UNC5D: variants seen among roughly 807,000 people sequenced by gnomAD.
UNC5D encodes the protein unc-5 netrin receptor D, also known as netrin receptor UNC5D.
In UNC5D, 39 loss-of-function variants were observed where a neutral mutation model predicts 105.4. The observed-to-expected ratio is 0.37, with a 90% confidence interval of 0.29 to 0.48. The LOEUF is 0.48. Among genes scored for constraint, UNC5D ranks in the 20% least tolerant of loss-of-function variants. UNC5D has a pLI of 0.98. For missense variants in UNC5D, 991 were observed against 1,202.4 expected, an observed-to-expected ratio of 0.82 and a Z score of 2.60; for synonymous variants, 452 against 450.4, an observed-to-expected ratio of 1.00 and a Z score of -0.04.
At chr8:35,506,578 GA>G (rs1191574971) in intron 1 of UNC5D, among the ~76,000 whole-genome samples, 3 of 152,234 alleles carry the variant, frequency 2.0e-5, no homozygotes, top group African/African-American at 7.2e-5. Flanking sequence ...CAGTTAGCCT[GA>G]GGTCACAGAG....
At position 35,243,026 on chromosome 8, in the gene UNC5D, T is replaced by C. The variant is rs961866087; in HGVS notation, c.103+7139T>C. 5.3e-4 allele frequency among the ~76,000 whole-genome samples: 81 copies of C among 152,188 alleles called. 1 individual carries two copies. Among genetic ancestry groups the C allele is most frequent in the African/African-American group, 1.9e-3 (80 of 41,446 alleles). On this transcript the variant is annotated intron_variant, in intron 1 of 16. Transcript: ENST00000404895. ...AACTCACAAATCAGTGCTTTTCAGA[T>C]GTTAATGTGCATTTGAATTACTGCA... is the stretch of plus-strand genomic sequence containing the variant.
At chr8:35,665,685 A>G (rs2131253095) in intron 4 of UNC5D, among the ~76,000 whole-genome samples, 1 of 143,540 alleles carries the variant, frequency 7.0e-6, no homozygotes. Flanking sequence ...CATTTTGCAG[A>G]GGAAGAATAG....
intron 7 of UNC5D, among the ~76,000 whole-genome samples, chr8:35,699,847 G>A (rs1025192390): frequency 1.3e-5 from 2 of 152,040 alleles, no homozygotes; most frequent in African/African-American, 2.4e-5. Context: ...AAAGAAAAAC[G>A]CAATAAGGAA....
rs756231822 is a variant in UNC5D, at chr8:35,385,826, T to C, written c.103+149939T>C. ...TCTTCAGATTTATGCAGAAATTTAG[T>C]TAATAAAGAGATGAGTGATTGTCTT... On this transcript the variant is annotated intron_variant, in intron 1 of 16. Coordinates refer to ENST00000404895, the MANE Select transcript of UNC5D (RefSeq NM_080872.4). Among the ~76,000 whole-genome samples, 14 of 152,300 alleles carry C rather than the reference T, an allele frequency of 9.2e-5. No homozygotes were observed. The Middle Eastern group carries it at 0.01, about 112-fold the overall frequency.
intron 1 of UNC5D, among the ~76,000 whole-genome samples, chr8:35,432,589 G>T (rs1806716141): frequency 6.6e-6 from 1 of 152,124 alleles, no homozygotes; most frequent in Admixed American, 6.6e-5. Context: ...CTTGGGGTTA[G>T]CTCATAATTC....
intron 1 of UNC5D, among the ~76,000 whole-genome samples, chr8:35,519,786 A>G (rs895219598): frequency 2.0e-5 from 3 of 152,114 alleles, no homozygotes; most frequent in Admixed American, 6.6e-5. Context: ...AGCAATCAGA[A>G]GAATATGAAT....
intron 1 of UNC5D, among the ~76,000 whole-genome samples, chr8:35,309,828 C>G (rs1473304575): frequency 6.6e-6 from 1 of 152,012 alleles, no homozygotes; most frequent in Non-Finnish European, 1.5e-5. Context: ...GGGATAGGGC[C>G]CAAATAATTG....
chr8:35,335,804 C>G (rs1321383500), intron 1 of UNC5D, among the ~76,000 whole-genome samples: 5 of 132,464 alleles, frequency 3.8e-5, no homozygotes, highest in Non-Finnish European at 7.7e-5. Context: ...CGCTCTGTCG[C>G]CCAGGCTGGA....
At chr8:35,273,250 G>A (rs905117524) in intron 1 of UNC5D, among the ~76,000 whole-genome samples, 6 of 152,168 alleles carry the variant, frequency 3.9e-5, no homozygotes, top group African/African-American at 7.2e-5. Flanking sequence ...AGCACTTCCC[G>A]AATTAATCAA....
At chr8:35,523,085 GTTT>G (rs200458289) in intron 1 of UNC5D, among the ~76,000 whole-genome samples, 1 of 134,948 alleles carries the variant, frequency 7.4e-6, no homozygotes, top group Non-Finnish European at 1.6e-5. Flanking sequence ...CATTGTATTA[GTTT>G]TTTTTTTTTT....
chr8:35,524,762 T>G (rs1586045254), intron 1 of UNC5D, among the ~76,000 whole-genome samples: 2 of 151,420 alleles, frequency 1.3e-5, no homozygotes, highest in Middle Eastern at 6.8e-3. Context: ...TTACTTTTAT[T>G]TTGGAAGAAA....
chr8:35,402,770 A>G (rs915063117), intron 1 of UNC5D, among the ~76,000 whole-genome samples: 10 of 151,990 alleles, frequency 6.6e-5, no homozygotes, highest in Non-Finnish European at 1.5e-4. Context: ...TAACCTTAGC[A>G]CTTCTTACTT....
rs1359309631 is a variant in UNC5D at position 35,235,484 on chromosome 8, G to C, written c.-301G>C. 1.4e-5 allele frequency: 4 copies of C among 276,388 alleles called. No individual in the cohort carries two copies. Among genetic ancestry groups the C allele is most frequent in the South Asian group, 1.7e-4 (1 of 5,978 alleles). The allele number at this position is 276,388 out of a possible 1,614,324, so 17.1% of individuals were successfully genotyped here. A position where few individuals can be genotyped will look rare whatever the true frequency, so the allele number is the denominator to read the frequency against. On this transcript the variant is annotated 5_prime_UTR_variant, in exon 1 of 17. Coordinates refer to ENST00000404895, the MANE Select transcript of UNC5D (RefSeq NM_080872.4). ...GACTCTCGCCTCCGCTCCGTAGTTC[G>C]GGGCCCGGCAGCGGCGCGAGGGCTG...
At chr8:35,724,262 A>G (rs1456017715) in intron 9 of UNC5D, 1 of 1,533,988 alleles carries the variant, frequency 6.5e-7, no homozygotes, top group Non-Finnish European at 8.7e-7. Context: ...CAAGAATATC[A>G]TGGAACTAAT....
intron 1 of UNC5D, among the ~76,000 whole-genome samples, chr8:35,463,142 G>A (rs1481910397): frequency 1.3e-5 from 2 of 152,108 alleles, no homozygotes; most frequent in Non-Finnish European, 2.9e-5. Context: ...TTGCAGCCTT[G>A]GATGGGTTCC....
At position 35,478,570 on chromosome 8, in the gene UNC5D, A is replaced by G. The variant is rs142198766; in HGVS notation, c.104-70722A>G. 9.9e-3 allele frequency among the ~76,000 whole-genome samples: 1,507 copies of G among 152,236 alleles called. 31 individuals carry two copies. Among genetic ancestry groups the G allele is most frequent in the African/African-American group, 0.034 (1,433 of 41,544 alleles). On this transcript the variant is annotated intron_variant, in intron 1 of 16. Transcript: ENST00000404895. ...CTTGGTGCTAAAGTTATTTATTCCT[A>G]TGAGAACAAAATTTCAACCATAAGA...
chr8:35,399,145 CAAAAAAAAAAAAA>C lies in UNC5D; in HGVS notation c.104-150136_104-150124del, dbSNP rs1029547730. 2.6e-3 allele frequency among the ~76,000 whole-genome samples: 140 copies of C among 54,692 alleles called. 1 individual carries two copies. The highest frequency in any genetic ancestry group is 3.2e-3 in the Non-Finnish European group (86 of 27,174). The allele number at this position is 54,692 out of a possible 152,430, so 35.9% of individuals were successfully genotyped here. A position where few individuals can be genotyped will look rare whatever the true frequency, so the allele number is the denominator to read the frequency against. On this transcript the variant is annotated intron_variant, in intron 1 of 16. Coordinates refer to ENST00000404895, the MANE Select transcript of UNC5D (RefSeq NM_080872.4). ...GGGTGACCTAGTGAGACTCCATCTC[CAAAAAAAAAAAAA>C]AAAAAAAAAAGTCCTCTACATAACC...
intron 4 of UNC5D, among the ~76,000 whole-genome samples, chr8:35,657,080 G>GTATGTATATA (rs1554581698): frequency 6.4e-5 from 3 of 46,516 alleles, no homozygotes; most frequent in African/African-American, 1.1e-4. Flanking sequence ...GTGTGTGTGT[G>GTATGTATATA]TATATATATA....
chr8:35,730,543 G>A (rs1448710206), intron 10 of UNC5D, among the ~76,000 whole-genome samples: 2 of 152,050 alleles, frequency 1.3e-5, no homozygotes, highest in African/African-American at 4.8e-5. Flanking sequence ...TGCACTACTG[G>A]TAAGACAGCT....
Sources: allele counts gnomAD v4.1 joint callset (sites outside exome capture counted in the v4.1 genomes callset), GRCh38; gene constraint gnomAD v4.1.1; transcripts MANE v1.5; gene names NCBI Gene and HGNC (gene_info 2026-07-23, HGNC 2026-07-21).